Variants in IFT122 observed in about 807,000 individuals in gnomAD.
IFT122 encodes the protein intraflagellar transport protein 122 homolog.
A neutral mutation model predicts 161.6 loss-of-function variants in IFT122; 118 were observed. The observed-to-expected ratio is 0.73, with a 90% CI of 0.63 to 0.85. The LOEUF is 0.85. Ranked by LOEUF, IFT122 falls within the 40% of genes least tolerant of loss-of-function variation. IFT122 has a pLI of 0.00. For missense variants in IFT122, 1,381 were observed against 1,579.6 expected, an observed-to-expected ratio of 0.87 and a Z score of 2.13; for synonymous variants, 550 against 602.4, an observed-to-expected ratio of 0.91 and a Z score of 1.27.
In IFT122 at chr3:129,500,068, T is replaced by C; in HGVS notation, c.2375T>C (p.Met792Thr). Residue 792 changes from methionine to threonine, a missense_variant and splice_region_variant, in exon 19 of 30, where the codon ATG becomes ACG. This residue lies in a region of IFT122 where 496 missense variants were observed against 502.5 expected (regional missense o/e 0.99). Coordinates refer to ENST00000348417, the MANE Select transcript of IFT122 (RefSeq NM_052989.3). ...EICGDHGWVD[M>T]LIDIARKLDK... is the part of the protein sequence containing the mutation. ...TGTGGTGACCATGGCTGGGTTGACA[T>C]GTAGGTTTTGGTCCCTGCCCCGAGA... is the stretch of plus-strand genomic sequence containing the variant. 1 of 1,614,038 alleles carries C rather than the reference T, an allele frequency of 6.2e-7. No individual in the cohort carries two copies.
rs1186230910 is a variant in IFT122 at position 129,507,734 on chromosome 3, A to G, written c.2858A>G (p.His953Arg). The G allele has an allele frequency of 6.2e-7, 1 of 1,614,072 alleles. No homozygotes were observed. Among genetic ancestry groups the G allele is most frequent in the Non-Finnish European group, 8.5e-7 (1 of 1,179,970 alleles). ...TTCCAGCGTTTGGCAGAGCTGTACC[A>G]TGGTTACCATGCCATCCATCGCCAC... is the stretch of plus-strand genomic sequence containing the variant. ...YHFQRLAELYHGYHAIHRHTE... is the reference protein window; with the variant it reads ...YHFQRLAELYRGYHAIHRHTE... The change falls in exon 23 of 30, where the codon CAT becomes CGT. Residue 953 changes from histidine to arginine, a missense_variant. Physicochemically the swap from His to Arg is conservative, Grantham distance 29. Coordinates refer to ENST00000348417, the MANE Select transcript of IFT122 (RefSeq NM_052989.3).
chr3:129,445,073 C>T (rs2073822359), intron 1 of IFT122, among the ~76,000 whole-genome samples: 2 of 152,128 alleles, frequency 1.3e-5, no homozygotes, highest in Admixed American at 1.3e-4. Flanking sequence ...CACTTAAAAT[C>T]CCAGCACTTT....
intron 18 of IFT122, among the ~76,000 whole-genome samples, chr3:129,496,759 A>G (rs2080899595): frequency 6.6e-6 from 1 of 151,926 alleles, no homozygotes; most frequent in Non-Finnish European, 1.5e-5. Flanking sequence ...GGCTCCCTCT[A>G]CTTTTTCCTC....
chr3:129,505,221 T>A (rs942849294), intron 21 of IFT122, among the ~76,000 whole-genome samples: 10 of 152,204 alleles, frequency 6.6e-5, no homozygotes, highest in African/African-American at 2.2e-4. Context: ...AGAGCCAGAA[T>A]TGGACCAGTA....
Position 129,459,184 on chromosome 3 carries a change from C to T in IFT122, c.272+507C>T, listed in dbSNP as rs370674028. 59 of 406,008 alleles carry T rather than the reference C, an allele frequency of 1.5e-4. No individual in the cohort carries two copies. The East Asian group carries it at 1.9e-3, about 13-fold the overall frequency. 25.2% of individuals were successfully genotyped at this position (406,008 alleles called of 1,614,324 possible). On this transcript the variant is annotated intron_variant, in intron 4 of 29. Coordinates refer to ENST00000348417, the MANE Select transcript of IFT122 (RefSeq NM_052989.3). The stretch of plus-strand genomic sequence containing the variant: ...TCTCTAGACTGGAACAGGTCTCTTT[C>T]GAGGCATTTCTCACAATTGCAGTTT...
chr3:129,468,093 A>G (rs780939018), intron 8 of IFT122, among the ~76,000 whole-genome samples: 39 of 152,204 alleles, frequency 2.6e-4, no homozygotes, highest in Non-Finnish European at 5.1e-4. Context: ...TGCCAGTCAC[A>G]CAAAGGTCAT....
At chr3:129,467,218 C>T in intron 8 of IFT122, 152 bp downstream of exon 8, 1 of 676,640 alleles carries the variant, frequency 1.5e-6, no homozygotes, top group East Asian at 2.7e-5. Context: ...GAGACATACC[C>T]TTAAAACTTG....
At chr3:129,444,000 TACCA>T (rs1296570497) in intron 1 of IFT122, among the ~76,000 whole-genome samples, 1 of 152,200 alleles carries the variant, frequency 6.6e-6, no homozygotes, top group Non-Finnish European at 1.5e-5. Flanking sequence ...GGAAGCCACA[TACCA>T]AGGATGACTT....
intron 1 of IFT122, among the ~76,000 whole-genome samples, chr3:129,445,003 T>G (rs1476422393): frequency 6.6e-6 from 1 of 152,224 alleles, no homozygotes; most frequent in Non-Finnish European, 1.5e-5. Flanking sequence ...CATAGCATAA[T>G]GGTTAAAACA....
chr3:129,497,822 G>T (rs920364154), intron 18 of IFT122, among the ~76,000 whole-genome samples: 1 of 129,824 alleles, frequency 7.7e-6, no homozygotes, highest in Non-Finnish European at 1.7e-5. Flanking sequence ...CCTGATTAAC[G>T]TGGCATATTT....
chr3:129,450,023 T>C lies in IFT122; in HGVS notation c.108+86T>C, dbSNP rs1449384768. ...CTGAAATTTGACCCTTTTTTTTTTTTTTTGAGATTAAAAAGGCAAGGGTGG... is the reference window on the plus strand; with the variant it reads ...CTGAAATTTGACCCTTTTTTTTTTTCTTTGAGATTAAAAAGGCAAGGGTGG... On this transcript the variant is annotated intron_variant, in intron 2 of 29. Transcript: ENST00000348417. The C allele has an allele frequency of 5.4e-6, 5 of 923,458 alleles. No individual in the cohort carries two copies. The East Asian group carries it at 1.2e-4, about 22-fold the overall frequency. The allele number at this position is 923,458 out of a possible 1,614,324, so 57.2% of individuals were successfully genotyped here.
At chr3:129,473,323 A>G (rs1247682383) in intron 9 of IFT122, among the ~76,000 whole-genome samples, 2 of 152,172 alleles carry the variant, frequency 1.3e-5, no homozygotes, top group South Asian at 2.1e-4. Context: ...CTTATCTGCT[A>G]TTTCTAACAT....
At chr3:129,516,969 C>A (rs2083913866) in intron 26 of IFT122, among the ~76,000 whole-genome samples, 1 of 146,476 alleles carries the variant, frequency 6.8e-6, no homozygotes, top group African/African-American at 2.6e-5. Flanking sequence ...CCCCTACACA[C>A]ACACACACAG....
intron 3 of IFT122, chr3:129,452,330 G>A (rs894652071): frequency 3.0e-5 from 10 of 331,464 alleles, no homozygotes; most frequent in Non-Finnish European, 4.1e-5. Context: ...ATAGTAAAAA[G>A]GTAAATTAAG....
Position 129,483,544 on chromosome 3 carries a change from G to C in IFT122, c.1713G>C (p.Ser571=), listed in dbSNP as rs150174636. 14 of 1,613,928 alleles carry C rather than the reference G, an allele frequency of 8.7e-6. No homozygotes were observed. The highest frequency in any genetic ancestry group is 1.2e-5 in the Non-Finnish European group (14 of 1,180,010). Residue 571 remains serine (S), a synonymous_variant, in exon 15 of 30, where the codon TCG becomes TCC. Transcript: ENST00000348417. ...AGTGTGAGGACATGCTCTGCTTCTCGGGAGGAGGCTACCTCAACATCAAAG... is the reference window on the plus strand; with the variant it reads ...AGTGTGAGGACATGCTCTGCTTCTCCGGAGGAGGCTACCTCAACATCAAAG... The part of the protein sequence containing the change: ...NTQCEDMLCF[S]GGGYLNIKAS...
At chr3:129,440,461 G>A in intron 1 of IFT122, 90 bp downstream of exon 1, 4 of 1,459,000 alleles carry the variant, frequency 2.7e-6, no homozygotes, top group Non-Finnish European at 3.8e-6. Flanking sequence ...GGGGGCAGCG[G>A]GCTTGCTGCC....
intron 3 of IFT122, among the ~76,000 whole-genome samples, chr3:129,453,295 TC>T (rs751078896): frequency 1.1e-4 from 16 of 152,038 alleles, no homozygotes; most frequent in Non-Finnish European, 1.9e-4. Flanking sequence ...ATTTTTTTTT[TC>T]TTCAGTGAAA....
At chr3:129,466,200 AC>A (rs2076754764) in intron 7 of IFT122, among the ~76,000 whole-genome samples, 1 of 152,198 alleles carries the variant, frequency 6.6e-6, no homozygotes, top group Non-Finnish European at 1.5e-5. Flanking sequence ...CTACTTGTTT[AC>A]CAGCTCAATG....
rs754526534 is a variant in IFT122 at position 129,506,544 on chromosome 3, C to G, written c.2786C>G (p.Ala929Gly). The G allele has an allele frequency of 3.1e-6, 5 of 1,614,212 alleles. No individual in the cohort carries two copies. The highest frequency in any genetic ancestry group is 4.2e-6 in the Non-Finnish European group (5 of 1,180,038). ...CTGTCCATGCAGTGCCTCGATATAG[C>G]TCAAGGTGTGTAAACATCAGCCAGA... ...WMLSMQCLDI[A>G]QDPAQKDTML... The change falls in exon 22 of 30, where the codon GCT becomes GGT. Residue 929 changes from alanine to glycine, a missense_variant. Transcript: ENST00000348417.
Sources: gnomAD v4.1 joint callset for allele counts (sites outside exome capture counted in the v4.1 genomes callset) on GRCh38, gnomAD v4.1.1 for gene constraint, gnomAD v4.1.1 regional missense constraint, MANE v1.5 for transcripts, NCBI Gene and HGNC (gene_info 2026-07-23, HGNC 2026-07-21) for gene names.